The following ANXA4 variants were observed in gnomAD, a reference collection of about 807,000 sequenced individuals.
ANXA4 encodes 35-beta calcimedin.
ANXA4 carries 39 observed loss-of-function variants against 49.8 expected under a neutral mutation model. The ratio of observed to expected loss-of-function variants is 0.78; its 90% CI spans 0.61 to 1.02. The LOEUF (loss-of-function observed/expected upper bound fraction) is 1.02, where lower values mean the gene tolerates loss of function less well. ANXA4 is among the 50% of genes least tolerant of loss of function. The pLI is 0.00. For missense variants in ANXA4, 360 were observed against 410.1 expected, an observed-to-expected ratio of 0.88 and a Z score of 1.05; for synonymous variants, 134 against 152.5, an observed-to-expected ratio of 0.88 and a Z score of 0.89.
intron 2 of ANXA4, among the ~76,000 whole-genome samples, chr2:69,672,158 A>G (rs1449338954): frequency 6.6e-6 from 1 of 152,218 alleles, no homozygotes; most frequent in Non-Finnish European, 1.5e-5. Context: ...AACCACAGTT[A>G]CATGATCAAC....
intron 6 of ANXA4, 116 bp from the exon 7 acceptor site, chr2:69,810,465 GTGAAAAAACCTCA>G (rs1197226991): frequency 1.4e-6 from 1 of 712,500 alleles, no homozygotes; most frequent in Admixed American, 2.1e-5. Flanking sequence ...TGTGTGTGGG[GTGAAAAAACCTCA>G]TGATAAGCTG....
At chr2:69,651,061 T>C (rs1676213067) in intron 1 of ANXA4, among the ~76,000 whole-genome samples, 2 of 152,382 alleles carry the variant, frequency 1.3e-5, no homozygotes, top group South Asian at 4.1e-4. Context: ...TGTATATTTC[T>C]TCATTTCTAA....
chr2:69,705,131 A>C (rs1300387183), intron 2 of ANXA4, among the ~76,000 whole-genome samples: 1 of 151,800 alleles, frequency 6.6e-6, no homozygotes. Flanking sequence ...CTTCTACAAA[A>C]ATAAAAAATA....
chr2:69,707,653 C>T (rs749037943), intron 2 of ANXA4, among the ~76,000 whole-genome samples: 1 of 152,200 alleles, frequency 6.6e-6, no homozygotes, highest in African/African-American at 2.4e-5. Context: ...TGTTTTGATA[C>T]AGGCATGCTA....
At chr2:69,664,343 G>A (rs925649054) in intron 2 of ANXA4, among the ~76,000 whole-genome samples, 1 of 152,142 alleles carries the variant, frequency 6.6e-6, no homozygotes, top group African/African-American at 2.4e-5. Flanking sequence ...GCTTTTGTGT[G>A]TGTGTTTTTT....
chr2:69,702,791 A>C (rs552801709), intron 2 of ANXA4, among the ~76,000 whole-genome samples: 20 of 152,310 alleles, frequency 1.3e-4, no homozygotes, highest in African/African-American at 4.3e-4. Flanking sequence ...ATCTCTAAAG[A>C]CAAAATTTTT....
At chr2:69,660,327 C>T (rs559548454) in intron 2 of ANXA4, among the ~76,000 whole-genome samples, 60 of 152,104 alleles carry the variant, frequency 3.9e-4, no homozygotes, top group Non-Finnish European at 6.6e-4. Flanking sequence ...CAGGAGCAAA[C>T]GTAAAATCAC....
At chr2:69,705,506 TA>T (rs1172319170) in intron 2 of ANXA4, among the ~76,000 whole-genome samples, 1 of 152,236 alleles carries the variant, frequency 6.6e-6, no homozygotes, top group Admixed American at 6.5e-5. Context: ...TAAGCTGCAG[TA>T]ACCATCCTGG....
chr2:69,804,557 G>C lies in ANXA4; in HGVS notation c.122G>C (p.Ser41Thr), dbSNP rs757681155. The change falls in exon 4 of 13, where the codon AGC (serine) becomes ACC (threonine). Residue 41 changes from serine to threonine, a missense_variant. Physicochemically the swap from Ser to Thr is moderately conservative, Grantham distance 58 (BLOSUM62 1). Coordinates refer to ENST00000394295, the MANE Select transcript of ANXA4 (RefSeq NM_001153.5). ...GLGTDEDAII[S>T]VLAYRNTAQR... ...GGCACCGATGAAGACGCCATTATTA[G>C]CGTCCTTGCCTACCGCAACACCGCC... 9.3e-6 allele frequency: 15 copies of C among 1,613,758 alleles called. No individual in the cohort carries two copies. The highest frequency in any genetic ancestry group is 1.3e-5 in the Non-Finnish European group (15 of 1,179,938).
intron 3 of ANXA4, among the ~76,000 whole-genome samples, chr2:69,727,285 G>GGGTCAT (rs1669986590): frequency 6.6e-6 from 1 of 152,188 alleles, no homozygotes; most frequent in Admixed American, 6.5e-5. Flanking sequence ...ACGCATTGCT[G>GGGTCAT]GGTCATAGGA....
chr2:69,677,747 C>G (rs1043014054), intron 2 of ANXA4, among the ~76,000 whole-genome samples: 4 of 152,182 alleles, frequency 2.6e-5, no homozygotes, highest in African/African-American at 4.8e-5. Context: ...CCTCCTTTCT[C>G]TTTCTCCCAT....
chr2:69,737,286 G>A (rs888882647), upstream of ANXA4, among the ~76,000 whole-genome samples: 2 of 152,150 alleles, frequency 1.3e-5, no homozygotes, highest in African/African-American at 4.8e-5. Context: ...CCTTGGTGTG[G>A]TTCTGGTTTT....
intron 1 of ANXA4, among the ~76,000 whole-genome samples, chr2:69,763,183 GA>G (rs1357278350): frequency 1.3e-5 from 2 of 152,202 alleles, no homozygotes; most frequent in Non-Finnish European, 2.9e-5. Flanking sequence ...TGTGGGGACA[GA>G]ACCCTGCCCT....
chr2:69,817,398 T>C (rs546951868), intron 9 of ANXA4: 1 of 152,250 alleles, frequency 6.6e-6, no homozygotes, highest in Non-Finnish European at 1.5e-5. Context: ...TGTTAAGCAT[T>C]TTATAAGCAT....
At chr2:69,714,604 T>A (rs1017830018) in intron 2 of ANXA4, among the ~76,000 whole-genome samples, 2 of 152,232 alleles carry the variant, frequency 1.3e-5, no homozygotes, top group Non-Finnish European at 2.9e-5. Flanking sequence ...CCTCCTGTGT[T>A]GTCCCCACAG....
rs751612112 is a variant in ANXA4 at position 69,806,456 on chromosome 2, C to T, written c.264C>T (p.Pro88=). ...FEQVIVGMMT[P]TVLYDVQELR... is the part of the protein sequence containing the mutation. ...AGGTGATTGTGGGGATGATGACGCC[C>T]ACGGTGCTGTATGACGTGCAAGAGC... Residue 88 remains proline, a synonymous_variant, in exon 5 of 13, where the codon CCC becomes CCT. Coordinates refer to ENST00000394295, the MANE Select transcript of ANXA4 (RefSeq NM_001153.5). The T allele has an allele frequency of 9.9e-6, 16 of 1,613,964 alleles. No homozygotes were observed. Among genetic ancestry groups the T allele is most frequent in the Non-Finnish European group, 1.4e-5 (16 of 1,179,988 alleles).
At chr2:69,749,872 G>T (rs1045904222) in intron 1 of ANXA4, among the ~76,000 whole-genome samples, 1 of 151,176 alleles carries the variant, frequency 6.6e-6, no homozygotes, top group African/African-American at 2.4e-5. Flanking sequence ...GCAGTGAGCC[G>T]AGATCATGCC....
chr2:69,807,859 C>T, intron 5 of ANXA4, 47 bp from the exon 6 acceptor site: 1 of 1,536,122 alleles, frequency 6.5e-7, no homozygotes, highest in South Asian at 1.1e-5. Flanking sequence ...TGGGCCTCAG[C>T]TTTGTAAACT....
intron 2 of ANXA4, among the ~76,000 whole-genome samples, chr2:69,669,493 C>T (rs1677077054): frequency 6.6e-6 from 1 of 151,636 alleles, no homozygotes; most frequent in Non-Finnish European, 1.5e-5. Flanking sequence ...CACCTGTAAT[C>T]CCAGCTACTT....
Sources: allele counts gnomAD v4.1 joint callset (sites outside exome capture counted in the v4.1 genomes callset), GRCh38; gene constraint gnomAD v4.1.1; transcripts MANE v1.5; gene names NCBI Gene and HGNC (gene_info 2026-07-23, HGNC 2026-07-21).